Variants in NELL1 observed in about 807,000 individuals in gnomAD.
NELL1 encodes the protein protein kinase C-binding protein NELL1.
A neutral mutation model predicts 107.4 loss-of-function variants in NELL1; 76 were observed. That is an observed-to-expected ratio of 0.71 (90% confidence interval 0.59 to 0.86). The LOEUF (loss-of-function observed/expected upper bound fraction) is 0.86. Ranked by LOEUF, NELL1 falls within the 40% of genes least tolerant of loss-of-function variation. The probability of loss-of-function intolerance (pLI) is 0.00; values close to 1 mark genes in which losing one functional copy is unlikely to be tolerated. For synonymous variants in NELL1, 353 were observed against 341.2 expected, an observed-to-expected ratio of 1.03 and a Z score of -0.38; for missense variants, 1,024 against 1,005.5, an observed-to-expected ratio of 1.02 and a Z score of -0.25.
At chr11:21,162,153 G>T (rs1044296050) in intron 13 of NELL1, among the ~76,000 whole-genome samples, 7 of 151,978 alleles carry the variant, frequency 4.6e-5, no homozygotes, top group Non-Finnish European at 7.4e-5. Flanking sequence ...ATTTCACCAT[G>T]TTGACCAGGA....
At chr11:21,144,630 G>A (rs1171881595) in intron 13 of NELL1, among the ~76,000 whole-genome samples, 2 of 152,190 alleles carry the variant, frequency 1.3e-5, no homozygotes, top group Non-Finnish European at 2.9e-5. Flanking sequence ...ATGAAGACAA[G>A]TAGATATTTT....
At chr11:20,699,195 C>A (rs1792986) in intron 2 of NELL1, among the ~76,000 whole-genome samples, 26,482 of 151,464 alleles carry the variant, frequency 0.17, 2,627 homozygotes, top group African/African-American at 0.24. Context: ...CCAGCCTGGG[C>A]AACAGAGCAA....
At chr11:20,975,580 A>ACATATGCAGATATAATGTATTATATC (rs1851590452) in intron 12 of NELL1, among the ~76,000 whole-genome samples, 1 of 144,732 alleles carries the variant, frequency 6.9e-6, no homozygotes, top group African/African-American at 2.5e-5. Flanking sequence ...TGTATTATAT[A>ACATATGCAGATATAATGTATTATATC]CACATATGTA....
chr11:21,095,318 A>G (rs1415070404), intron 12 of NELL1, among the ~76,000 whole-genome samples: 1 of 152,148 alleles, frequency 6.6e-6, no homozygotes, highest in African/African-American at 2.4e-5. Context: ...ACAGGTCCCT[A>G]GGAAGTTCTG....
chr11:21,072,953 G>A lies in NELL1; in HGVS notation c.1301-40636G>A, dbSNP rs773776993. Among the ~76,000 whole-genome samples, 5 of 152,242 alleles carry A rather than the reference G, an allele frequency of 3.3e-5. No individual in the cohort carries two copies. The East Asian group carries it at 7.7e-4, about 24-fold the overall frequency. On this transcript the variant is annotated intron_variant, in intron 12 of 19. Coordinates refer to ENST00000357134, the MANE Select transcript of NELL1 (RefSeq NM_006157.5). ...GCTCGAACACACAACACGCAGAAAT[G>A]TGTCCCTGACCTTTTAATCTAGCTT...
chr11:21,212,850 A>G (rs1857529977), intron 13 of NELL1, among the ~76,000 whole-genome samples: 1 of 152,332 alleles, frequency 6.6e-6, no homozygotes, highest in Middle Eastern at 3.4e-3. Flanking sequence ...TAGCACTGGA[A>G]GTTTTAGCCA....
intron 14 of NELL1, among the ~76,000 whole-genome samples, chr11:21,305,526 A>G (rs1374083020): frequency 6.6e-6 from 1 of 151,972 alleles, no homozygotes; most frequent in Non-Finnish European, 1.5e-5. Flanking sequence ...GTGTGCTTCC[A>G]AAACATAAAA....
At chr11:20,670,893 C>G (rs779758135) in intron 1 of NELL1, among the ~76,000 whole-genome samples, 4 of 152,214 alleles carry the variant, frequency 2.6e-5, no homozygotes, top group Non-Finnish European at 4.4e-5. Flanking sequence ...GGCCAAAGAG[C>G]AAGTTCATCT....
At chr11:20,707,930 C>A (rs1322174548) in intron 2 of NELL1, among the ~76,000 whole-genome samples, 2 of 152,252 alleles carry the variant, frequency 1.3e-5, no homozygotes, top group Non-Finnish European at 2.9e-5. Context: ...TTCAGCTATG[C>A]CCTGCCCCCA....
At chr11:20,807,057 T>G (rs918174612) in intron 3 of NELL1, among the ~76,000 whole-genome samples, 1 of 151,952 alleles carries the variant, frequency 6.6e-6, no homozygotes, top group Non-Finnish European at 1.5e-5. Flanking sequence ...TTATTTAGTT[T>G]TTTTTTTTTT....
At chr11:21,256,446 T>G (rs553845125) in intron 14 of NELL1, among the ~76,000 whole-genome samples, 6 of 152,198 alleles carry the variant, frequency 3.9e-5, no homozygotes, top group African/African-American at 1.4e-4. Context: ...AAGGCAGATC[T>G]GCTCTTGGAT....
At chr11:21,415,275 C>T (rs1290202758) in intron 15 of NELL1, among the ~76,000 whole-genome samples, 1 of 152,070 alleles carries the variant, frequency 6.6e-6, no homozygotes, top group Non-Finnish European at 1.5e-5. Context: ...TGTGCCTTTG[C>T]TTGTCAGCCG....
intron 13 of NELL1, among the ~76,000 whole-genome samples, chr11:21,163,365 G>A (rs1856414317): frequency 6.6e-6 from 1 of 152,152 alleles, no homozygotes; most frequent in East Asian, 1.9e-4. Context: ...GAGACAGATT[G>A]TTTTAAAAAG....
chr11:20,918,555 T>C (rs1850308640), intron 6 of NELL1, among the ~76,000 whole-genome samples: 1 of 151,986 alleles, frequency 6.6e-6, no homozygotes, highest in Non-Finnish European at 1.5e-5. Context: ...CTCGCAATCA[T>C]AGTGGAAGGC....
intron 5 of NELL1, among the ~76,000 whole-genome samples, chr11:20,903,270 G>A (rs942043023): frequency 1.6e-4 from 24 of 152,048 alleles, no homozygotes; most frequent in African/African-American, 5.8e-4. Flanking sequence ...CACATTCAAT[G>A]CAATGGTGTG....
In NELL1 at chr11:21,406,512, G is replaced by A. The variant is rs112927533; in HGVS notation, c.1645+35564G>A. On this transcript the variant is annotated intron_variant, in intron 15 of 19. Transcript: ENST00000357134. ...AATCTCAAAACATAAAATGAAATAA[G>A]GATTATATTCTTTGTACAGGTGATA... Among the ~76,000 whole-genome samples, 107 of 151,966 alleles carry A rather than the reference G, an allele frequency of 7.0e-4. 1 individual carries two copies. Among genetic ancestry groups the A allele is most frequent in the African/African-American group, 2.5e-3 (103 of 41,502 alleles).
chr11:20,762,306 C>T (rs1182765259), intron 2 of NELL1, among the ~76,000 whole-genome samples: 2 of 152,108 alleles, frequency 1.3e-5, no homozygotes, highest in African/African-American at 4.8e-5. Context: ...TAGATAAAAG[C>T]CTGTCCCAGA....
intron 5 of NELL1, among the ~76,000 whole-genome samples, chr11:20,915,855 C>G (rs1366310435): frequency 6.6e-6 from 1 of 150,528 alleles, no homozygotes; most frequent in African/African-American, 2.4e-5. Context: ...AATGTCCTGG[C>G]AGTAAATTGT....
chr11:20,978,510 T>A (rs1236720834), intron 12 of NELL1, among the ~76,000 whole-genome samples: 4 of 152,188 alleles, frequency 2.6e-5, no homozygotes. Flanking sequence ...TTATATTTAC[T>A]CTCTTTATGG....
Sources: gnomAD v4.1 joint callset for allele counts (sites outside exome capture counted in the v4.1 genomes callset) on GRCh38, gnomAD v4.1.1 for gene constraint, MANE v1.5 for transcripts, NCBI Gene and HGNC (gene_info 2026-07-23, HGNC 2026-07-21) for gene names.